NNMT: variants seen among roughly 807,000 people sequenced by gnomAD.
NNMT encodes nicotinamide N-methyltransferase.
A neutral mutation model predicts 11.7 loss-of-function variants in NNMT; 10 were observed. That is an observed-to-expected ratio of 0.85 (90% CI 0.53 to 1.45). The LOEUF (loss-of-function observed/expected upper bound fraction) is 1.45. NNMT is among the 40% of genes most tolerant of loss of function. The pLI is 0.00. For missense variants in NNMT, 381 were observed against 319.4 expected, an observed-to-expected ratio of 1.19 and a Z score of -1.47; for synonymous variants, 143 against 133.8, an observed-to-expected ratio of 1.07 and a Z score of -0.48.
intron 2 of NNMT, among the ~76,000 whole-genome samples, chr11:114,286,502 CATCACTAAATA>C (rs1380632208): frequency 2.0e-5 from 3 of 152,152 alleles, no homozygotes; most frequent in African/African-American, 7.2e-5. Context: ...CCCACTTGTG[CATCACTAAATA>C]ATAAAATTTA....
At chr11:114,277,703 A>G (rs947676344) in intron 2 of NNMT, among the ~76,000 whole-genome samples, 3 of 152,216 alleles carry the variant, frequency 2.0e-5, no homozygotes, top group Non-Finnish European at 4.4e-5. Flanking sequence ...AGAGGGCACT[A>G]CTAAGGCTGT....
In NNMT at chr11:114,312,587, A is replaced by T; in HGVS notation, c.*110A>T. ...GTAGAGGCTCAGTGGTTGGGGCCCA[A>T]TGGTTCATCTAGGACGGGACTAGAG... is the stretch of plus-strand genomic sequence containing the variant. On this transcript the variant is annotated 3_prime_UTR_variant, in exon 3 of 3. Transcript: ENST00000299964. 3.8e-6 allele frequency: 4 copies of T among 1,066,606 alleles called. No individual in the cohort carries two copies. Among genetic ancestry groups the T allele is most frequent in the Non-Finnish European group, 5.5e-6 (4 of 730,152 alleles). 66.1% of individuals were successfully genotyped at this position (1,066,606 alleles called of 1,614,324 possible). A position where few individuals can be genotyped will look rare whatever the true frequency, so the allele number is the denominator to read the frequency against.
chr11:114,258,250 G>A (rs907572165), intron 1 of NNMT, among the ~76,000 whole-genome samples: 21 of 152,246 alleles, frequency 1.4e-4, no homozygotes, highest in African/African-American at 4.8e-4. Flanking sequence ...GACCTTAAGC[G>A]GGAGCTCCCC....
intron 2 of NNMT, among the ~76,000 whole-genome samples, chr11:114,277,369 GT>G (rs1300724906): frequency 6.6e-6 from 1 of 152,226 alleles, no homozygotes; most frequent in Non-Finnish European, 1.5e-5. Context: ...GTATGTAAGA[GT>G]TTTGGCTGAC....
chr11:114,284,597 G>A (rs1447330075), intron 2 of NNMT, among the ~76,000 whole-genome samples: 5 of 151,842 alleles, frequency 3.3e-5, no homozygotes, highest in Non-Finnish European at 7.4e-5. Context: ...CCAAGTAGCT[G>A]GGACTACAGG....
At chr11:114,297,877 G>A in intron 1 of NNMT, 74 bp from the exon 2 acceptor site, 1 of 1,239,416 alleles carries the variant, frequency 8.1e-7, no homozygotes, top group South Asian at 1.2e-5. Context: ...TCCCAGGGAA[G>A]ACAATGTAAA....
chr11:114,262,556 A>G (rs1035947509), intron 1 of NNMT, among the ~76,000 whole-genome samples: 3 of 152,218 alleles, frequency 2.0e-5, no homozygotes, highest in African/African-American at 7.2e-5. Context: ...CCAGTTCACC[A>G]GCCAACCCCT....
intron 2 of NNMT, among the ~76,000 whole-genome samples, chr11:114,302,515 T>A (rs150079286): frequency 1.3e-5 from 2 of 152,310 alleles, no homozygotes; most frequent in East Asian, 3.9e-4. Context: ...AACACTATAA[T>A]ACATATATTG....
At chr11:114,294,757 A>T (rs1945360176), upstream of NNMT, among the ~76,000 whole-genome samples, 2 of 152,154 alleles carry the variant, frequency 1.3e-5, no homozygotes, top group Admixed American at 1.3e-4. Flanking sequence ...TAAAAAGAAA[A>T]ATAAATAGCA....
chr11:114,275,757 G>A (rs1050113229), intron 2 of NNMT, among the ~76,000 whole-genome samples: 4 of 152,118 alleles, frequency 2.6e-5, no homozygotes, highest in African/African-American at 4.8e-5. Flanking sequence ...TAGGGGTTAT[G>A]GTTATGGTTA....
In NNMT at chr11:114,311,966, A is replaced by G. The variant is rs1338876080; in HGVS notation, c.363-79A>G. ...GACACACATCTGGGACAATACGGCC[A>G]TTTTTAGCCTTGACCCAAGAGATCT... On this transcript the variant is annotated intron_variant, in intron 2 of 2. Transcript: ENST00000299964. The G allele has an allele frequency of 3.4e-6, 5 of 1,469,198 alleles. No individual in the cohort carries two copies. In the African/African-American group the frequency reaches 7.1e-5, roughly 21 times the overall value. 91.0% of individuals were successfully genotyped at this position (1,469,198 alleles called of 1,614,324 possible).
intron 2 of NNMT, among the ~76,000 whole-genome samples, chr11:114,263,793 C>A (rs997303272): frequency 6.6e-6 from 1 of 152,212 alleles, no homozygotes; most frequent in African/African-American, 2.4e-5. Flanking sequence ...TGTCTTTATA[C>A]CAGACCTCTT....
At chr11:114,296,220 A>T (rs4646335), upstream of NNMT, 37,359 of 203,204 alleles carry the variant, frequency 0.18, 4,393 homozygotes, top group East Asian at 0.42. Context: ...TGACGAGCTC[A>T]AGTGCTCCCT....
intron 2 of NNMT, among the ~76,000 whole-genome samples, chr11:114,303,283 T>A (rs918196171): frequency 5.9e-5 from 9 of 152,206 alleles, no homozygotes; most frequent in African/African-American, 2.2e-4. Flanking sequence ...TTAGTAATTG[T>A]TTTCCTCCCT....
intron 2 of NNMT, among the ~76,000 whole-genome samples, chr11:114,270,802 T>TC (rs1267960033): frequency 6.6e-6 from 1 of 151,980 alleles, no homozygotes; most frequent in Non-Finnish European, 1.5e-5. Context: ...TTTTTTTTTT[T>TC]CTCGCTTTGT....
Position 114,283,493 on chromosome 11 carries a change from G to A in NNMT, c.-129-12935G>A, listed in dbSNP as rs371345470. 5.3e-5 allele frequency among the ~76,000 whole-genome samples: 8 copies of A among 152,188 alleles called. No individual in the cohort carries two copies. The East Asian group carries it at 1.3e-3, about 26-fold the overall frequency. On this transcript the variant is annotated intron_variant, in intron 2 of 4. Coordinates refer to the NNMT transcript ENST00000535401. ...CCTTGGGATGGTTGTCTATGAAAGG[G>A]AAATGAGAGTGGAAAATAAAAGGGG... is the stretch of plus-strand genomic sequence containing the variant.
intron 2 of NNMT, among the ~76,000 whole-genome samples, chr11:114,298,966 A>G (rs1468283805): frequency 6.6e-6 from 1 of 151,774 alleles, no homozygotes; most frequent in Non-Finnish European, 1.5e-5. Context: ...CTGACCATTC[A>G]CTCCTGGAGC....
At chr11:114,262,769 T>A (rs1356884238) in intron 1 of NNMT, 1 of 152,158 alleles carries the variant, frequency 6.6e-6, no homozygotes, top group Non-Finnish European at 1.5e-5. Flanking sequence ...GAAAAACACA[T>A]ACCCCTGGCT....
At chr11:114,310,965 C>T (rs1190751591) in intron 2 of NNMT, among the ~76,000 whole-genome samples, 1 of 152,248 alleles carries the variant, frequency 6.6e-6, no homozygotes, top group African/African-American at 2.4e-5. Context: ...ATACAAGCCA[C>T]TCTGTCCCAT....
Sources: allele counts gnomAD v4.1 joint callset (sites outside exome capture counted in the v4.1 genomes callset), GRCh38; gene constraint gnomAD v4.1.1; transcripts MANE v1.5; gene names NCBI Gene and HGNC (gene_info 2026-07-23, HGNC 2026-07-21).